FAM193A: variants seen among roughly 807,000 people sequenced by gnomAD.
FAM193A encodes the protein protein FAM193A.
FAM193A carries 22 observed loss-of-function variants against 126.5 expected under a neutral mutation model. The ratio of observed to expected loss-of-function variants is 0.17; its 90% CI spans 0.12 to 0.25. The LOEUF (loss-of-function observed/expected upper bound fraction) is 0.25. Among genes scored for constraint, FAM193A ranks in the 10% least tolerant of loss-of-function variants. The pLI is 1.00. For synonymous variants in FAM193A, 761 were observed against 646.8 expected (o/e 1.18, Z -2.68); for missense variants, 1,675 against 1,672.8 (o/e 1.00, Z -0.02).
intron 2 of FAM193A, among the ~76,000 whole-genome samples, chr4:2,607,095 G>A (rs1230711351): frequency 3.3e-5 from 5 of 152,250 alleles, no homozygotes; most frequent in Admixed American, 1.3e-4. Flanking sequence ...TCCTCGAGGC[G>A]GACTCTTCCT....
At chr4:2,602,986 T>TTG (rs1491042624) in intron 2 of FAM193A, among the ~76,000 whole-genome samples, 1 of 78,404 alleles carries the variant, frequency 1.3e-5, no homozygotes, top group Non-Finnish European at 2.8e-5. Context: ...TTTTTTTTTT[T>TTG]GAGACGAAGT....
intron 1 of FAM193A, among the ~76,000 whole-genome samples, chr4:2,548,778 GA>G (rs1185858611): frequency 2.0e-5 from 3 of 150,224 alleles, no homozygotes; most frequent in African/African-American, 2.4e-5. Flanking sequence ...TTTTTGCAGA[GA>G]AAAAAAAATG....
At chr4:2,608,179 A>T in intron 2 of FAM193A, 1 of 1,538,170 alleles carries the variant, frequency 6.5e-7, no homozygotes, top group East Asian at 2.3e-5. Flanking sequence ...TACCAAGAGG[A>T]CTTCATTTTT....
At chr4:2,599,747 T>C (rs1190443528) in intron 2 of FAM193A, among the ~76,000 whole-genome samples, 1 of 152,012 alleles carries the variant, frequency 6.6e-6, no homozygotes, top group African/African-American at 2.4e-5. Context: ...TAGTTTTTTT[T>C]TTTTTTTGAG....
chr4:2,564,271 C>T (rs536659242), intron 1 of FAM193A, among the ~76,000 whole-genome samples: 4 of 151,870 alleles, frequency 2.6e-5, no homozygotes, highest in South Asian at 2.1e-4. Context: ...TTTGTAGAGA[C>T]GGGGTCTCAC....
chr4:2,653,620 T>C (rs1045275361), intron 7 of FAM193A, among the ~76,000 whole-genome samples: 1 of 152,130 alleles, frequency 6.6e-6, no homozygotes, highest in African/African-American at 2.4e-5. Flanking sequence ...ATTTTTGTAT[T>C]TGTAGTAGAG....
intron 4 of FAM193A, among the ~76,000 whole-genome samples, chr4:2,630,339 A>G (rs1160645384): frequency 6.6e-6 from 1 of 150,446 alleles, no homozygotes; most frequent in Non-Finnish European, 1.5e-5. Flanking sequence ...TTAAAAAAAA[A>G]AGATAAACTG....
At chr4:2,587,975 T>G (rs1740327463) in intron 1 of FAM193A, among the ~76,000 whole-genome samples, 1 of 152,160 alleles carries the variant, frequency 6.6e-6, no homozygotes, top group African/African-American at 2.4e-5. Context: ...TGTGAAGAGC[T>G]AGTTGGAGGA....
rs761235700 is a variant in FAM193A, at chr4:2,700,434, C to G, written c.4262C>G (p.Pro1421Arg). 1 of 1,614,208 alleles carries G rather than the reference C, an allele frequency of 6.2e-7. No homozygotes were observed. The highest frequency in any genetic ancestry group is 1.1e-5 in the South Asian group (1 of 91,078). Residue 1421 changes from proline to arginine, a missense_variant, in exon 19 of 21, where the codon CCC (proline) becomes CGC (arginine). By Grantham distance (103) the Pro-to-Arg change is moderately radical. Transcript: ENST00000637812. ...SNPTPMEPTS[P>R]GEHQQNSKLV... ...CCAACCCCTATGGAGCCCACCTCTCCCGGTGAGCATCAGCAGAACAGCAAG... is the reference window on the plus strand; with the variant it reads ...CCAACCCCTATGGAGCCCACCTCTCGCGGTGAGCATCAGCAGAACAGCAAG...
chr4:2,709,013 T>C (rs1718627987), intron 19 of FAM193A, among the ~76,000 whole-genome samples: 1 of 152,144 alleles, frequency 6.6e-6, no homozygotes, highest in Non-Finnish European at 1.5e-5. Context: ...GGTTTATATA[T>C]TATAAGATAA....
At chr4:2,545,124 C>T (rs997824162) in intron 1 of FAM193A, among the ~76,000 whole-genome samples, 3 of 152,128 alleles carry the variant, frequency 2.0e-5, no homozygotes, top group African/African-American at 4.8e-5. Context: ...TCCCGAGTAG[C>T]TGGGATTACA....
At chr4:2,716,209 C>A in intron 20 of FAM193A, 105 bp downstream of exon 20, 1 of 799,690 alleles carries the variant, frequency 1.3e-6, no homozygotes, top group South Asian at 1.4e-5. Flanking sequence ...GACGAAGTTA[C>A]ATCAAGCAAG....
At chr4:2,554,182 T>C (rs1738116746) in intron 1 of FAM193A, among the ~76,000 whole-genome samples, 1 of 152,104 alleles carries the variant, frequency 6.6e-6, no homozygotes, top group Admixed American at 6.6e-5. Context: ...CCTCCCGGGT[T>C]CAAGTGGTTC....
rs1711896774 is a variant in FAM193A at position 2,657,817 on chromosome 4, C to T, written c.1326C>T (p.Thr442=). The part of the protein sequence containing the change: ...AYVDEQMTMK[T]KQRMLTEDWE... ...CCCCTTACTAGATGACAATGAAAAC[C>T]AAGCAGCGCATGTTAACAGAAGACT... Residue 442 remains threonine (T), a synonymous_variant, in exon 8 of 21, where the codon ACC becomes ACT. Transcript: ENST00000637812. 6.2e-7 allele frequency: 1 copy of T among 1,608,584 alleles called. No homozygotes were observed. Among genetic ancestry groups the T allele is most frequent in the Admixed American group, 1.7e-5 (1 of 59,086 alleles).
At chr4:2,598,346 C>T (rs944822018) in intron 2 of FAM193A, among the ~76,000 whole-genome samples, 3 of 152,198 alleles carry the variant, frequency 2.0e-5, no homozygotes, top group Non-Finnish European at 4.4e-5. Context: ...CCAATTTATG[C>T]ATTCACCAAT....
intron 19 of FAM193A, among the ~76,000 whole-genome samples, chr4:2,704,708 A>G (rs1718115042): frequency 6.6e-6 from 1 of 152,144 alleles, no homozygotes; most frequent in Admixed American, 6.5e-5. Flanking sequence ...TTGCTTATAG[A>G]GTAGTTGTCA....
chr4:2,606,095 G>C lies in FAM193A; in HGVS notation c.501+9766G>C, dbSNP rs1402477184. ...AGACAGTGTCTCACTCTGTCACCCA[G>C]GCTGGAGTACAGTGGCATAATCTCA... is the stretch of plus-strand genomic sequence containing the variant. On this transcript the variant is annotated intron_variant, in intron 2 of 20. Transcript: ENST00000637812. Among the ~76,000 whole-genome samples, 5 of 104,884 alleles carry C rather than the reference G, an allele frequency of 4.8e-5. No homozygotes were observed. In the East Asian group the frequency reaches 1.3e-3, roughly 28 times the overall value. 68.8% of individuals were successfully genotyped at this position (104,884 alleles called of 152,430 possible).
chr4:2,690,953 A>C lies in FAM193A; in HGVS notation c.2786A>C (p.Lys929Thr). Reference protein sequence around the residue: ...SSNSQFRVSSKRPPSVGDVFH... With the variant: ...SSNSQFRVSSTRPPSVGDVFH... ...AACAGCCAGTTCAGAGTGTCATCCA[A>C]GAGACCTCCTTCAGTAGGTAAGGCT... The change falls in exon 15 of 21, where the codon AAG becomes ACG. Residue 929 changes from lysine to threonine, a missense_variant. By Grantham distance (78) the Lys-to-Thr change is moderately conservative. Transcript: ENST00000637812. 6.2e-7 allele frequency: 1 copy of C among 1,613,274 alleles called. No homozygotes were observed. The highest frequency in any genetic ancestry group is 8.5e-7 in the Non-Finnish European group (1 of 1,179,386).
chr4:2,716,360 C>T (rs868361279), intron 20 of FAM193A, among the ~76,000 whole-genome samples: 2 of 152,304 alleles, frequency 1.3e-5, no homozygotes, highest in Admixed American at 6.5e-5. Context: ...GCTTCCCCCC[C>T]ACCCTTCCCC....
Sources: allele counts gnomAD v4.1 joint callset (sites outside exome capture counted in the v4.1 genomes callset), GRCh38; gene constraint gnomAD v4.1.1; transcripts MANE v1.5; gene names NCBI Gene and HGNC (gene_info 2026-07-23, HGNC 2026-07-21).